PIK3CB: variants seen among roughly 807,000 people sequenced by gnomAD.
PIK3CB encodes phosphatidylinositol 4,5-bisphosphate 3-kinase catalytic subunit beta isoform.
In PIK3CB, 39 loss-of-function variants were observed where a neutral mutation model predicts 136.8. The observed-to-expected ratio is 0.29, with a 90% CI of 0.22 to 0.37. PIK3CB has a LOEUF of 0.37. Among genes scored for constraint, PIK3CB ranks in the 10% least tolerant of loss-of-function variants. The pLI is 1.00. For synonymous variants in PIK3CB, 428 were observed against 436.6 expected (o/e 0.98, Z 0.25); for missense variants, 868 against 1,275.4 (o/e 0.68, Z 4.87).
intron 2 of PIK3CB, among the ~76,000 whole-genome samples, chr3:138,776,442 T>C (rs549042786): frequency 5.3e-5 from 8 of 151,706 alleles, no homozygotes; most frequent in African/African-American, 1.9e-4. Context: ...GTAATTCGAG[T>C]ACTGTGAGAG....
At chr3:138,766,262 T>A (rs2045731163) in intron 2 of PIK3CB, among the ~76,000 whole-genome samples, 1 of 152,178 alleles carries the variant, frequency 6.6e-6, no homozygotes, top group African/African-American at 2.4e-5. Flanking sequence ...GCTGAAGAAC[T>A]CCCTTGATGT....
At position 138,737,477 on chromosome 3, in the gene PIK3CB, C is replaced by T. The variant is rs1478551338; in HGVS notation, c.801+230G>A. Among the ~76,000 whole-genome samples, 4 of 146,226 alleles carry T rather than the reference C, an allele frequency of 2.7e-5. No homozygotes were observed. The East Asian group carries it at 8.1e-4, about 30-fold the overall frequency. ...CATATTTGTCTGTACAATCATTATG[C>T]TAAAATACAAACATAACTGCAAAAA... On this transcript the variant is annotated intron_variant, in intron 6 of 23. Transcript: ENST00000674063.
intron 1 of PIK3CB, among the ~76,000 whole-genome samples, chr3:138,827,030 T>C (rs1461996909): frequency 2.6e-5 from 4 of 151,936 alleles, no homozygotes; most frequent in Non-Finnish European, 5.9e-5. Context: ...GATTGCACCA[T>C]TGCACTCCAG....
chr3:138,675,934 A>C (rs2043633488), intron 19 of PIK3CB, among the ~76,000 whole-genome samples: 1 of 152,228 alleles, frequency 6.6e-6, no homozygotes, highest in African/African-American at 2.4e-5. Flanking sequence ...AGAAAGAATA[A>C]TCTTTTCAAC....
rs10706809 is a variant in PIK3CB, at chr3:138,702,104, A to AT, written c.1581+2338dup. On this transcript the variant is annotated intron_variant, in intron 12 of 23. Coordinates refer to ENST00000674063, the MANE Select transcript of PIK3CB (RefSeq NM_006219.3). ...GAGAAACTTTCATTTTTGGTTTACA[A>AT]TTTTTTTTTTTTTTTTTAAAGATAC... Among the ~76,000 whole-genome samples the AT allele has an allele frequency of 5.9e-3, 849 of 144,034 alleles. 9 individuals are homozygous for AT. The highest frequency in any genetic ancestry group is 0.019 in the African/African-American group (742 of 39,094). The allele number at this position is 144,034 out of a possible 152,430, so 94.5% of individuals were successfully genotyped here. A position where few individuals can be genotyped will look rare whatever the true frequency, so the allele number is the denominator to read the frequency against.
chr3:138,751,311 A>T (rs1375305875), intron 4 of PIK3CB, among the ~76,000 whole-genome samples: 1 of 152,104 alleles, frequency 6.6e-6, no homozygotes, highest in Non-Finnish European at 1.5e-5. Flanking sequence ...ATAAAAAATT[A>T]GCCAGGCATG....
intron 7 of PIK3CB, among the ~76,000 whole-genome samples, chr3:138,733,980 A>G (rs2045047681): frequency 6.6e-6 from 1 of 152,214 alleles, no homozygotes; most frequent in South Asian, 2.1e-4. Flanking sequence ...ATTTCACTAA[A>G]TTAAAAAGCA....
chr3:138,694,847 C>A lies in PIK3CB; in HGVS notation c.1831G>T (p.Asp611Tyr). ...ACGTACTGGTCTGGATAGTTGAAAT[C>A]CAGAAGCTCTAGGGCCTCCCGGGGG... ...LPPREALELLDFNYPDQYVRE... is the reference protein window; with the variant it reads ...LPPREALELLYFNYPDQYVRE... Residue 611 changes from aspartate (D) to tyrosine (Y), a missense_variant, in exon 14 of 24, where the codon GAT (aspartate) becomes TAT (tyrosine). Coordinates refer to ENST00000674063, the MANE Select transcript of PIK3CB (RefSeq NM_006219.3). 3 of 1,613,404 alleles carry A rather than the reference C, an allele frequency of 1.9e-6. No homozygotes were observed. The highest frequency in any genetic ancestry group is 2.5e-6 in the Non-Finnish European group (3 of 1,179,660).
intron 2 of PIK3CB, among the ~76,000 whole-genome samples, chr3:138,770,770 G>A (rs2045789286): frequency 6.6e-6 from 1 of 151,998 alleles, no homozygotes. Context: ...AGAGTGCAGT[G>A]GTGCAATCTC....
intron 21 of PIK3CB, among the ~76,000 whole-genome samples, chr3:138,661,470 A>G (rs971130250): frequency 1.3e-5 from 2 of 152,198 alleles, no homozygotes; most frequent in Non-Finnish European, 2.9e-5. Flanking sequence ...GTCTGGTAAT[A>G]GGTTTCACCC....
chr3:138,820,962 T>C (rs1248281335), intron 1 of PIK3CB, among the ~76,000 whole-genome samples: 1 of 152,138 alleles, frequency 6.6e-6, no homozygotes, highest in Non-Finnish European at 1.5e-5. Context: ...TCCACACATG[T>C]GAGTATACCA....
chr3:138,768,617 C>T (rs2045763005), intron 2 of PIK3CB, among the ~76,000 whole-genome samples: 1 of 152,212 alleles, frequency 6.6e-6, no homozygotes, highest in Non-Finnish European at 1.5e-5. Context: ...AACCTGTCTG[C>T]CTCCTGTTGC....
intron 7 of PIK3CB, among the ~76,000 whole-genome samples, chr3:138,733,693 A>G (rs2045039474): frequency 6.6e-6 from 1 of 152,136 alleles, no homozygotes; most frequent in Admixed American, 6.5e-5. Context: ...CCTGGCTAAC[A>G]CGGTGAAACC....
At chr3:138,822,063 A>C (rs990729256) in intron 1 of PIK3CB, among the ~76,000 whole-genome samples, 2 of 152,034 alleles carry the variant, frequency 1.3e-5, no homozygotes, top group Non-Finnish European at 2.9e-5. Context: ...GCTTGAGCTC[A>C]GGAGGTCCAC....
rs909504891 is a variant in PIK3CB, at chr3:138,710,182, T to TCAAA, written c.1399+2022_1399+2025dup. The stretch of plus-strand genomic sequence containing the variant: ...CTGGGTGACAGGGTGAGGCCCTGAG[T>TCAAA]CAAACAAACAAACAAACAAAAAGAA... On this transcript the variant is annotated intron_variant, in intron 10 of 23. Coordinates refer to ENST00000674063, the MANE Select transcript of PIK3CB (RefSeq NM_006219.3). Among the ~76,000 whole-genome samples, 5 of 151,686 alleles carry TCAAA rather than the reference T, an allele frequency of 3.3e-5. No individual in the cohort carries two copies. The South Asian group carries it at 8.3e-4, about 25-fold the overall frequency.
rs892793591 is a variant in PIK3CB at position 138,825,687 on chromosome 3, G to A, written c.-122+9008C>T. 5 of 653,326 alleles carry A rather than the reference G, an allele frequency of 7.7e-6. No individual in the cohort carries two copies. The African/African-American group carries it at 9.0e-5, about 12-fold the overall frequency. 40.5% of individuals were successfully genotyped at this position (653,326 alleles called of 1,614,324 possible). ...ATCCAACTGACAAACCCTTGCATCT[G>A]TCTCTCCAGGATGTCTACAAAACTG... On this transcript the variant is annotated intron_variant, in intron 1 of 23. Transcript: ENST00000674063.
chr3:138,738,991 T>C (rs1211506689), intron 5 of PIK3CB, among the ~76,000 whole-genome samples: 1 of 152,212 alleles, frequency 6.6e-6, no homozygotes, highest in Non-Finnish European at 1.5e-5. Context: ...GTGTTTTCTA[T>C]GAGTTGGTGC....
chr3:138,714,936 A>G (rs1305389201), intron 8 of PIK3CB, among the ~76,000 whole-genome samples: 1 of 152,218 alleles, frequency 6.6e-6, no homozygotes, highest in Non-Finnish European at 1.5e-5. Context: ...AGTAAACCGT[A>G]GTTAGTCTAA....
intron 2 of PIK3CB, among the ~76,000 whole-genome samples, chr3:138,784,845 C>T (rs1013829705): frequency 6.6e-6 from 1 of 152,108 alleles, no homozygotes; most frequent in Non-Finnish European, 1.5e-5. Context: ...TCTGCCCGGC[C>T]GCCACCCCGT....
Sources: allele counts gnomAD v4.1 joint callset (sites outside exome capture counted in the v4.1 genomes callset), GRCh38; gene constraint gnomAD v4.1.1; transcripts MANE v1.5; gene names NCBI Gene and HGNC (gene_info 2026-07-23, HGNC 2026-07-21).